CXCL13: variants seen among roughly 807,000 people sequenced by gnomAD.
CXCL13 encodes C-X-C motif chemokine ligand 13.
A neutral mutation model predicts 12.2 loss-of-function variants in CXCL13; 7 were observed. That is an observed-to-expected ratio of 0.57 (90% CI 0.33 to 1.07). CXCL13 has a LOEUF of 1.07. CXCL13 is among the 50% of genes least tolerant of loss of function. CXCL13 has a pLI of 0.04. For synonymous variants in CXCL13, 47 were observed against 42.4 expected (o/e 1.11, Z -0.42); for missense variants, 113 against 127.4 (o/e 0.89, Z 0.55).
chr4:77,583,317 C>A (rs1169890341), intron 1 of CXCL13, among the ~76,000 whole-genome samples: 1 of 152,186 alleles, frequency 6.6e-6, no homozygotes, highest in Non-Finnish European at 1.5e-5. Context: ...GGTAGGGATG[C>A]AAAATCCCTG....
upstream of CXCL13, among the ~76,000 whole-genome samples, chr4:77,603,028 T>C (rs1214491050): frequency 6.6e-6 from 1 of 152,202 alleles, no homozygotes; most frequent in Non-Finnish European, 1.5e-5. Context: ...TTTAGAATTG[T>C]TCTGCAATTA....
At chr4:77,552,265 T>G (rs996423131) in intron 1 of CXCL13, among the ~76,000 whole-genome samples, 1 of 152,156 alleles carries the variant, frequency 6.6e-6, no homozygotes, top group Non-Finnish European at 1.5e-5. Flanking sequence ...TTTCTTTCTT[T>G]CCCTATAATA....
intron 1 of CXCL13, among the ~76,000 whole-genome samples, chr4:77,517,695 G>T (rs1041502113): frequency 2.0e-5 from 3 of 152,110 alleles, no homozygotes; most frequent in Non-Finnish European, 4.4e-5. Flanking sequence ...TTGAGCCTAT[G>T]TGTGTCTCTG....
At chr4:77,529,769 C>T (rs1195435385) in intron 1 of CXCL13, among the ~76,000 whole-genome samples, 2 of 152,138 alleles carry the variant, frequency 1.3e-5, no homozygotes, top group East Asian at 1.9e-4. Flanking sequence ...CCCTTTATTT[C>T]CTTCTCCTGC....
chr4:77,535,231 A>G (rs932883311), intron 1 of CXCL13, among the ~76,000 whole-genome samples: 2 of 152,228 alleles, frequency 1.3e-5, no homozygotes, highest in African/African-American at 2.4e-5. Context: ...TTTGCATTCA[A>G]TATTCAATCA....
At chr4:77,571,276 T>A (rs953088867) in intron 1 of CXCL13, among the ~76,000 whole-genome samples, 17 of 151,842 alleles carry the variant, frequency 1.1e-4, no homozygotes, top group African/African-American at 4.1e-4. Context: ...AGAGTCTTTA[T>A]GTCTAGCTCA....
At chr4:77,572,216 C>G (rs929358561) in intron 1 of CXCL13, among the ~76,000 whole-genome samples, 8 of 151,810 alleles carry the variant, frequency 5.3e-5, no homozygotes, top group Admixed American at 4.6e-4. Flanking sequence ...GTCTGGCCAA[C>G]AAGGTGAAAT....
rs1021556026 is a variant in CXCL13 at position 77,584,253 on chromosome 4, C to T, written c.-42-21571C>T. ...TTTGTATCCCAACCACTGATGAGCACGCACCTTCCCAACTCCTCTCACATC... is the reference window on the plus strand; with the variant it reads ...TTTGTATCCCAACCACTGATGAGCATGCACCTTCCCAACTCCTCTCACATC... On this transcript the variant is annotated intron_variant, in intron 1 of 4. Coordinates refer to the CXCL13 transcript ENST00000286758. 1.3e-4 allele frequency among the ~76,000 whole-genome samples: 20 copies of T among 152,290 alleles called. No homozygotes were observed. The East Asian group carries it at 1.7e-3, about 13-fold the overall frequency.
At chr4:77,562,503 C>T (rs1269343743) in intron 1 of CXCL13, among the ~76,000 whole-genome samples, 1 of 152,008 alleles carries the variant, frequency 6.6e-6, no homozygotes, top group African/African-American at 2.4e-5. Context: ...GTGAATGCAC[C>T]AATCAGCATT....
intron 1 of CXCL13, among the ~76,000 whole-genome samples, chr4:77,518,844 A>T (rs1208198108): frequency 2.6e-5 from 4 of 152,186 alleles, no homozygotes; most frequent in African/African-American, 9.7e-5. Context: ...AGGAACTGCG[A>T]TCCTTTGGAG....
chr4:77,558,839 T>C (rs1208600339), intron 1 of CXCL13, among the ~76,000 whole-genome samples: 1 of 152,252 alleles, frequency 6.6e-6, no homozygotes, highest in African/African-American at 2.4e-5. Context: ...TCTTATTTTC[T>C]GGGCTTGATC....
chr4:77,608,922 T>C (rs565017559), intron 2 of CXCL13, among the ~76,000 whole-genome samples: 156 of 152,344 alleles, frequency 1.0e-3, no homozygotes, highest in African/African-American at 3.6e-3. Context: ...CCAAGGAAGG[T>C]AATGCACCTT....
chr4:77,611,150 A>C lies in CXCL13; in HGVS notation c.*111A>C. On this transcript the variant is annotated 3_prime_UTR_variant, in exon 4 of 4. Transcript: ENST00000682537. Reference sequence around the variant, plus strand: ...GGAAAAAGAACTTCCCCATACAAATAAGCATGAGACTATGTAAAAATAACC... The same window carrying C: ...GGAAAAAGAACTTCCCCATACAAATCAGCATGAGACTATGTAAAAATAACC... 2.2e-6 allele frequency: 2 copies of C among 909,158 alleles called. No individual in the cohort carries two copies. Among genetic ancestry groups the C allele is most frequent in the Non-Finnish European group, 3.4e-6 (2 of 582,688 alleles). 56.3% of individuals were successfully genotyped at this position (909,158 alleles called of 1,614,324 possible).
chr4:77,582,235 A>T (rs912970334), intron 1 of CXCL13, among the ~76,000 whole-genome samples: 6 of 152,320 alleles, frequency 3.9e-5, no homozygotes, highest in Middle Eastern at 3.4e-3. Context: ...CTCATTCAAT[A>T]AAGCTGGGCC....
At chr4:77,558,801 G>A (rs185038456) in intron 1 of CXCL13, among the ~76,000 whole-genome samples, 7 of 152,318 alleles carry the variant, frequency 4.6e-5, no homozygotes, top group Admixed American at 4.6e-4. Context: ...CCTATGTTAT[G>A]AGTTGAACCT....
intron 1 of CXCL13, among the ~76,000 whole-genome samples, chr4:77,554,257 T>A (rs1334452508): frequency 6.6e-6 from 1 of 151,964 alleles, no homozygotes; most frequent in Non-Finnish European, 1.5e-5. Flanking sequence ...TTCAAATTTT[T>A]AAAAAACAGA....
rs186982425 is a variant in CXCL13 at position 77,542,724 on chromosome 4, A to G, written c.-43+30936A>G. The stretch of plus-strand genomic sequence containing the variant: ...TCCCAGGAATGAAGCCTACTTGATC[A>G]TGGTGAACTAACTTTTTTAAGTGCT... On this transcript the variant is annotated intron_variant, in intron 1 of 4. Coordinates refer to the CXCL13 transcript ENST00000286758. 2.1e-3 allele frequency among the ~76,000 whole-genome samples: 326 copies of G among 152,322 alleles called. 2 individuals are homozygous for G. The highest frequency in any genetic ancestry group is 7.6e-3 in the African/African-American group (314 of 41,582).
intron 1 of CXCL13, among the ~76,000 whole-genome samples, chr4:77,548,352 G>C (rs1435745476): frequency 6.6e-6 from 1 of 152,206 alleles, no homozygotes; most frequent in African/African-American, 2.4e-5. Flanking sequence ...CATTTGAGTT[G>C]CACTCATACT....
chr4:77,611,205 T>C lies in CXCL13; in HGVS notation c.*166T>C, dbSNP rs1349887014. ...AGAAGCTGATGGGGCAAACTCAAGC[T>C]TCTTCACTCACAGCACCCTATATAC... is the stretch of plus-strand genomic sequence containing the variant. On this transcript the variant is annotated 3_prime_UTR_variant, in exon 4 of 4. Coordinates refer to ENST00000682537, the MANE Select transcript of CXCL13 (RefSeq NM_001371558.1). 1.7e-6 allele frequency: 1 copy of C among 598,946 alleles called. No individual in the cohort carries two copies. The highest frequency in any genetic ancestry group is 2.9e-6 in the Non-Finnish European group (1 of 339,606). 37.1% of individuals were successfully genotyped at this position (598,946 alleles called of 1,614,324 possible). A position where few individuals can be genotyped will look rare whatever the true frequency, so the allele number is the denominator to read the frequency against.
Sources: gnomAD v4.1 joint callset for allele counts (sites outside exome capture counted in the v4.1 genomes callset) on GRCh38, gnomAD v4.1.1 for gene constraint, MANE v1.5 for transcripts, NCBI Gene and HGNC (gene_info 2026-07-23, HGNC 2026-07-21) for gene names.